The following SGCD variants were observed in gnomAD, a reference collection of about 807,000 sequenced individuals.
SGCD encodes sarcoglycan delta.
A neutral mutation model predicts 36.6 loss-of-function variants in SGCD; 18 were observed. The ratio of observed to expected loss-of-function variants is 0.49; its 90% CI spans 0.34 to 0.73. The LOEUF (loss-of-function observed/expected upper bound fraction) is 0.73. Among genes scored for constraint, SGCD ranks in the 30% least tolerant of loss-of-function variants. The pLI, the probability that SGCD is intolerant of heterozygous loss-of-function variation, is 0.01. For synonymous variants in SGCD, 133 were observed against 130.6 expected (o/e 1.02, Z -0.12); for missense variants, 387 against 346.7 (o/e 1.12, Z -0.92).
In SGCD at chr5:156,081,814, A is replaced by C. The variant is rs531403306; in HGVS notation, c.-281-36064A>C. On this transcript the variant is annotated intron_variant, in intron 1 of 9. Coordinates refer to the SGCD transcript ENST00000517913. Reference sequence around the variant, plus strand: ...GACAAAAGGAAGAATAATAAGGAGAAAAATCATACAAATTTATTAATGTGC... The same window carrying C: ...GACAAAAGGAAGAATAATAAGGAGACAAATCATACAAATTTATTAATGTGC... Among the ~76,000 whole-genome samples the C allele has an allele frequency of 1.2e-4, 19 of 152,356 alleles. No homozygotes were observed. The South Asian group carries it at 3.5e-3, about 28-fold the overall frequency.
At chr5:156,653,493 CTTTTT>C (rs111458843) in intron 7 of SGCD, among the ~76,000 whole-genome samples, 2 of 48,082 alleles carry the variant, frequency 4.2e-5, no homozygotes, top group Admixed American at 3.7e-4. Context: ...CTAAAGCTTG[CTTTTT>C]TTTTTTTTTT....
chr5:156,194,917 C>A (rs928168173), intron 3 of SGCD, among the ~76,000 whole-genome samples: 3 of 151,918 alleles, frequency 2.0e-5, no homozygotes, highest in Admixed American at 1.3e-4. Context: ...ACATATTGAA[C>A]ACATAGTATA....
intron 3 of SGCD, among the ~76,000 whole-genome samples, chr5:156,359,864 T>C (rs1432718359): frequency 6.6e-6 from 1 of 152,236 alleles, no homozygotes; most frequent in African/African-American, 2.4e-5. Flanking sequence ...TTGATTCTTT[T>C]CTGTCATATT....
chr5:156,345,253 A>T (rs2127717351), intron 3 of SGCD, among the ~76,000 whole-genome samples: 1 of 151,856 alleles, frequency 6.6e-6, no homozygotes. Flanking sequence ...TTTTTTTTTA[A>T]GAATTGATGT....
intron 1 of SGCD, among the ~76,000 whole-genome samples, chr5:156,006,037 T>C (rs544374606): frequency 6.6e-6 from 1 of 152,336 alleles, no homozygotes; most frequent in East Asian, 1.9e-4. Context: ...GTGAGAATGA[T>C]ACATACCTCA....
the SGCD span, among the ~76,000 whole-genome samples, chr5:155,791,155 C>T: frequency 6.6e-6 from 1 of 152,170 alleles, no homozygotes; most frequent in East Asian, 1.9e-4. Flanking sequence ...GCTGATGATT[C>T]CCTACTTTTT....
intron 4 of SGCD, among the ~76,000 whole-genome samples, chr5:156,540,565 A>C (rs1163606037): frequency 6.6e-6 from 1 of 152,170 alleles, no homozygotes. Context: ...GAATATTTAC[A>C]TGAAAATCCT....
intron 3 of SGCD, among the ~76,000 whole-genome samples, chr5:156,403,478 C>T (rs530260454): frequency 1.8e-4 from 27 of 152,334 alleles, no homozygotes; most frequent in South Asian, 1.2e-3. Context: ...CTCATGTTTT[C>T]TGACTCGCCG....
At chr5:156,302,898 G>A (rs1261464146) in intron 3 of SGCD, among the ~76,000 whole-genome samples, 2 of 152,156 alleles carry the variant, frequency 1.3e-5, no homozygotes, top group East Asian at 1.9e-4. Flanking sequence ...ACCAACACTG[G>A]GATTGTGCTG....
At chr5:156,324,345 C>T, upstream of SGCD, among the ~76,000 whole-genome samples, 1 of 152,048 alleles carries the variant, frequency 6.6e-6, no homozygotes, top group East Asian at 1.9e-4. Flanking sequence ...TGTAATAAAT[C>T]TGGAAATGTT....
intron 7 of SGCD, among the ~76,000 whole-genome samples, chr5:156,744,612 T>C (rs1756856941): frequency 6.6e-6 from 1 of 152,224 alleles, no homozygotes; most frequent in Non-Finnish European, 1.5e-5. Flanking sequence ...ACCTAGATTG[T>C]TTAACCAGGT....
intron 1 of SGCD, among the ~76,000 whole-genome samples, chr5:156,079,352 C>G (rs1760886434): frequency 1.3e-5 from 2 of 152,184 alleles, no homozygotes; most frequent in South Asian, 4.1e-4. Flanking sequence ...CCATATCATT[C>G]CATCCCTGAT....
chr5:156,573,364 T>C (rs1759799265), intron 4 of SGCD, among the ~76,000 whole-genome samples: 2 of 152,190 alleles, frequency 1.3e-5, no homozygotes, highest in Non-Finnish European at 2.9e-5. Flanking sequence ...TCATGAAATA[T>C]TTTGTTTGAA....
At chr5:156,479,481 G>C (rs769653351) in intron 3 of SGCD, among the ~76,000 whole-genome samples, 17 of 152,130 alleles carry the variant, frequency 1.1e-4, no homozygotes, top group Non-Finnish European at 2.2e-4. Flanking sequence ...GTTTCCATGT[G>C]GGTGCCCACT....
chr5:155,950,407 T>C (rs979774197), intron 1 of SGCD, among the ~76,000 whole-genome samples: 1 of 152,134 alleles, frequency 6.6e-6, no homozygotes, highest in African/African-American at 2.4e-5. Flanking sequence ...CTCAACCTAA[T>C]GTCTACGGCG....
chr5:155,989,675 TA>T (rs1306919711), intron 1 of SGCD, among the ~76,000 whole-genome samples: 1 of 152,100 alleles, frequency 6.6e-6, no homozygotes, highest in African/African-American at 2.4e-5. Context: ...ATTCTGTAAA[TA>T]AATAATATAG....
At chr5:156,362,125 A>T (rs927036184) in intron 3 of SGCD, among the ~76,000 whole-genome samples, 1 of 152,322 alleles carries the variant, frequency 6.6e-6, no homozygotes, top group Non-Finnish European at 1.5e-5. Context: ...CCACTGTAGG[A>T]ACACACACCC....
chr5:155,842,550 C>T, the SGCD span, among the ~76,000 whole-genome samples: 28,951 of 151,148 alleles, frequency 0.19, 3,671 homozygotes, highest in Admixed American at 0.4. Context: ...TCCAGCCTCA[C>T]GACAGAGTGA....
intron 4 of SGCD, among the ~76,000 whole-genome samples, chr5:156,547,846 G>A (rs944229517): frequency 6.6e-6 from 1 of 152,176 alleles, no homozygotes; most frequent in African/African-American, 2.4e-5. Flanking sequence ...ATTTTTGGCT[G>A]CAGGAATCAA....
Sources: gnomAD v4.1 joint callset for allele counts (sites outside exome capture counted in the v4.1 genomes callset) on GRCh38, gnomAD v4.1.1 for gene constraint, MANE v1.5 for transcripts, NCBI Gene and HGNC (gene_info 2026-07-23, HGNC 2026-07-21) for gene names.